Variants in EIF4E observed in about 807,000 individuals in gnomAD.
The protein encoded by EIF4E is eIF-4F 25 kDa subunit.
For synonymous variants in EIF4E, 71 were observed against 88.5 expected, an observed-to-expected ratio of 0.80 and a Z score of 1.11; for missense variants, 113 against 265.6, an observed-to-expected ratio of 0.43 and a Z score of 3.99.
At chr4:98,892,327 A>AAAAAAAAC (rs1560637145) in intron 2 of EIF4E, among the ~76,000 whole-genome samples, 7 of 131,562 alleles carry the variant, frequency 5.3e-5, no homozygotes, top group East Asian at 2.1e-4. Context: ...ATCTCAAAAA[A>AAAAAAAAC]CAAAAAAACA....
intron 1 of EIF4E, chr4:98,909,624 C>T: frequency 1.5e-6 from 1 of 686,242 alleles, no homozygotes; most frequent in Non-Finnish European, 2.7e-6. Context: ...CTAAAATCTG[C>T]CAAAGAACAG....
At chr4:98,905,127 A>G (rs1724814427) in intron 1 of EIF4E, among the ~76,000 whole-genome samples, 2 of 151,808 alleles carry the variant, frequency 1.3e-5, no homozygotes, top group Non-Finnish European at 1.5e-5. Flanking sequence ...GCAAAATCCT[A>G]CCATATTCCT....
chr4:98,912,177 G>A lies in EIF4E; in HGVS notation c.19-10195C>T, dbSNP rs184990476. Among the ~76,000 whole-genome samples, 372 of 151,420 alleles carry A rather than the reference G, an allele frequency of 2.5e-3. 1 individual carries two copies. Among genetic ancestry groups the A allele is most frequent in the African/African-American group, 7.4e-3 (306 of 41,206 alleles). On this transcript the variant is annotated intron_variant, in intron 1 of 6. Coordinates refer to ENST00000450253, the MANE Select transcript of EIF4E (RefSeq NM_001968.5). The stretch of plus-strand genomic sequence containing the variant: ...TGAAGCAGGAGAATCACTTGAACCC[G>A]GGAGAGGGAAACTGCAGTGAGCCAA...
chr4:98,924,081 A>AT (rs368748064), intron 1 of EIF4E, among the ~76,000 whole-genome samples: 28,608 of 145,992 alleles, frequency 0.2, 3,559 homozygotes, highest in Non-Finnish European at 0.29. Context: ...TCTTTTGTTT[A>AT]TTTTTTTTTT....
chr4:98,883,393 A>AATTTT (rs34903883), intron 6 of EIF4E, among the ~76,000 whole-genome samples: 2 of 103,896 alleles, frequency 1.9e-5, no homozygotes, highest in African/African-American at 7.1e-5. Context: ...TGTAAGTCAA[A>AATTTT]TTTTTTTTTT....
chr4:98,924,592 T>TG (rs1323764705), intron 1 of EIF4E, among the ~76,000 whole-genome samples: 5 of 142,814 alleles, frequency 3.5e-5, no homozygotes, highest in Non-Finnish European at 8.1e-5. Context: ...AATTTGTTTC[T>TG]GTTTTTTTTT....
At chr4:98,929,062 C>T (rs1323397228) in intron 1 of EIF4E, 33 bp downstream of exon 1, 5 of 1,577,614 alleles carry the variant, frequency 3.2e-6, no homozygotes, top group Admixed American at 1.8e-5. Context: ...AGCGCGGGGA[C>T]CCGTGGGGGT....
chr4:98,909,027 C>T (rs1724996365), intron 1 of EIF4E, among the ~76,000 whole-genome samples: 1 of 152,164 alleles, frequency 6.6e-6, no homozygotes, highest in Non-Finnish European at 1.5e-5. Flanking sequence ...ATAATATATA[C>T]TGTGCTCTGT....
chr4:98,920,186 T>G (rs895208820), intron 1 of EIF4E, among the ~76,000 whole-genome samples: 6 of 152,236 alleles, frequency 3.9e-5, no homozygotes, highest in African/African-American at 1.4e-4. Flanking sequence ...ACTTAGCCTG[T>G]GCCAGATAAT....
At chr4:98,928,618 C>T (rs1161443791) in intron 1 of EIF4E, among the ~76,000 whole-genome samples, 1 of 152,076 alleles carries the variant, frequency 6.6e-6, no homozygotes, top group Non-Finnish European at 1.5e-5. Flanking sequence ...GCGCGCGCCC[C>T]GCACCCGAGC....
intron 2 of EIF4E, among the ~76,000 whole-genome samples, chr4:98,897,760 A>T (rs1724471669): frequency 6.6e-6 from 1 of 152,214 alleles, no homozygotes; most frequent in African/African-American, 2.4e-5. Flanking sequence ...GAAAAATCAG[A>T]ATTTTAGAAA....
chr4:98,926,726 A>C (rs1394860481), intron 1 of EIF4E, among the ~76,000 whole-genome samples: 1 of 152,218 alleles, frequency 6.6e-6, no homozygotes, highest in Non-Finnish European at 1.5e-5. Context: ...ATCACTAACC[A>C]CATCCCTAGG....
intron 2 of EIF4E, among the ~76,000 whole-genome samples, chr4:98,894,089 G>A (rs1296508048): frequency 1.3e-5 from 2 of 152,204 alleles, no homozygotes; most frequent in African/African-American, 4.8e-5. Flanking sequence ...TGGGCAGTAG[G>A]TTTCAACAGT....
At chr4:98,899,575 C>T (rs1159657262) in intron 2 of EIF4E, among the ~76,000 whole-genome samples, 4 of 152,134 alleles carry the variant, frequency 2.6e-5, no homozygotes, top group African/African-American at 9.7e-5. Flanking sequence ...TATATATTCA[C>T]ACAAGTGCAC....
intron 1 of EIF4E, among the ~76,000 whole-genome samples, chr4:98,917,135 A>ACACACACACACAC (rs1560652727): frequency 3.4e-5 from 1 of 29,316 alleles, no homozygotes; most frequent in Non-Finnish European, 6.0e-5. Flanking sequence ...CACACACACA[A>ACACACACACACAC]AAAAAACCCA....
chr4:98,898,532 C>G (rs909918165), intron 2 of EIF4E, among the ~76,000 whole-genome samples: 3 of 150,428 alleles, frequency 2.0e-5, no homozygotes, highest in African/African-American at 7.4e-5. Flanking sequence ...CGCTTGAACC[C>G]GGGAGGTGGA....
intron 1 of EIF4E, among the ~76,000 whole-genome samples, chr4:98,915,645 A>G (rs112930999): frequency 0.067 from 10,174 of 151,426 alleles, 1,116 homozygotes; most frequent in African/African-American, 0.23. Flanking sequence ...GGTTCAAGCA[A>G]TTCTCCTGCC....
intron 2 of EIF4E, among the ~76,000 whole-genome samples, chr4:98,893,971 A>T (rs1470314426): frequency 1.3e-5 from 2 of 152,246 alleles, no homozygotes; most frequent in Non-Finnish European, 2.9e-5. Context: ...ACGCTGCAGA[A>T]AGTACACTGT....
intron 6 of EIF4E, among the ~76,000 whole-genome samples, chr4:98,883,004 G>A (rs1321890809): frequency 6.6e-6 from 1 of 152,056 alleles, no homozygotes. Context: ...AAATTTACAT[G>A]GCTGAGAGCA....
Sources: allele counts gnomAD v4.1 joint callset (sites outside exome capture counted in the v4.1 genomes callset), GRCh38; gene constraint gnomAD v4.1.1; transcripts MANE v1.5; gene names NCBI Gene and HGNC (gene_info 2026-07-23, HGNC 2026-07-21).